NAV2: variants seen among roughly 807,000 people sequenced by gnomAD.
The protein encoded by NAV2 is neuron navigator 2, also known as helicase, APC down-regulated 1.
NAV2 carries 54 observed loss-of-function variants against 223.2 expected under a neutral mutation model. That is an observed-to-expected ratio of 0.24 (90% CI 0.19 to 0.30). NAV2 has a LOEUF of 0.30. Among genes scored for constraint, NAV2 ranks in the 10% least tolerant of loss-of-function variants. The pLI is 1.00. For synonymous variants in NAV2, 1,279 were observed against 1,239.3 expected, an observed-to-expected ratio of 1.03 and a Z score of -0.67; for missense variants, 2,806 against 3,147.5, an observed-to-expected ratio of 0.89 and a Z score of 2.60.
intron 1 of NAV2, among the ~76,000 whole-genome samples, chr11:19,801,280 G>A (rs2058238364): frequency 6.6e-6 from 1 of 152,214 alleles, no homozygotes; most frequent in African/African-American, 2.4e-5. Context: ...GGTGCGGCCT[G>A]CCCCCTGCCT....
intron 1 of NAV2, among the ~76,000 whole-genome samples, chr11:19,440,653 G>A (rs1360714021): frequency 6.6e-6 from 1 of 152,194 alleles, no homozygotes; most frequent in East Asian, 1.9e-4. Flanking sequence ...TGGTAAGGGG[G>A]TGAGAGATGG....
intron 1 of NAV2, among the ~76,000 whole-genome samples, chr11:19,525,507 C>T (rs958299407): frequency 2.6e-5 from 4 of 152,132 alleles, no homozygotes; most frequent in African/African-American, 9.7e-5. Context: ...CACGCATCTT[C>T]TTTACGAAGG....
At chr11:19,919,249 C>T (rs2153226804) in intron 6 of NAV2, among the ~76,000 whole-genome samples, 2 of 150,938 alleles carry the variant, frequency 1.3e-5, no homozygotes, top group East Asian at 1.9e-4. Flanking sequence ...GAATTAAAAC[C>T]TCCAAGCTGG....
chr11:19,794,089 G>A (rs530070596), intron 1 of NAV2, among the ~76,000 whole-genome samples: 55 of 152,262 alleles, frequency 3.6e-4, no homozygotes, highest in Non-Finnish European at 7.1e-4. Context: ...ATGACATAGG[G>A]ACATGTCTGC....
chr11:19,545,462 GGT>G (rs35916058), intron 1 of NAV2, among the ~76,000 whole-genome samples: 43,619 of 151,908 alleles, frequency 0.29, 8,757 homozygotes, highest in African/African-American at 0.58. Flanking sequence ...ATGGGGCAGT[GGT>G]GTCCCTTTGA....
At chr11:20,018,447 G>A (rs1489535763) in intron 11 of NAV2, among the ~76,000 whole-genome samples, 1 of 152,074 alleles carries the variant, frequency 6.6e-6, no homozygotes. Context: ...AGGATTCAGG[G>A]GATCAGTGAG....
chr11:19,946,494 C>T lies in NAV2; in HGVS notation c.2240C>T (p.Thr747Ile). 6.2e-7 allele frequency: 1 copy of T among 1,613,202 alleles called. No individual in the cohort carries two copies. Among genetic ancestry groups the T allele is most frequent in the Non-Finnish European group, 8.5e-7 (1 of 1,179,646 alleles). ...LEETMSSLRGTQVTHSTLETT... is the reference protein window; with the variant it reads ...LEETMSSLRGIQVTHSTLETT... ...GAAACCATGTCCAGTTTAAGGGGAACTCAGGTTACACACAGGTATCTGCAG... is the reference window on the plus strand; with the variant it reads ...GAAACCATGTCCAGTTTAAGGGGAATTCAGGTTACACACAGGTATCTGCAG... Residue 747 changes from threonine to isoleucine, a missense_variant, in exon 9 of 38, where the codon ACT becomes ATT. Thr to Ile is a moderately conservative substitution (Grantham distance 89, BLOSUM62 -1). Coordinates refer to ENST00000349880, the MANE Select transcript of NAV2 (RefSeq NM_145117.5).
At chr11:19,408,731 T>A (rs1273898571) in intron 1 of NAV2, among the ~76,000 whole-genome samples, 1 of 152,166 alleles carries the variant, frequency 6.6e-6, no homozygotes, top group Admixed American at 6.5e-5. Context: ...GATTAAGAAT[T>A]CTGCCCAAGG....
At chr11:19,707,439 C>A (rs904867651) in intron 1 of NAV2, among the ~76,000 whole-genome samples, 3 of 152,068 alleles carry the variant, frequency 2.0e-5, no homozygotes, top group Non-Finnish European at 4.4e-5. Context: ...AAAATGAAGA[C>A]ACAAACAGAC....
intron 1 of NAV2, among the ~76,000 whole-genome samples, chr11:19,387,702 A>T (rs566080888): frequency 6.6e-6 from 1 of 152,284 alleles, no homozygotes; most frequent in Non-Finnish European, 1.5e-5. Flanking sequence ...GCCAGTGAAG[A>T]TGGTTAAAAC....
chr11:19,993,960 A>G (rs1426836078), intron 11 of NAV2, among the ~76,000 whole-genome samples: 1 of 152,200 alleles, frequency 6.6e-6, no homozygotes, highest in Admixed American at 6.5e-5. Context: ...CTTACGATCA[A>G]GTAGAGAGAG....
At chr11:19,368,537 T>C (rs1848366031) in intron 1 of NAV2, among the ~76,000 whole-genome samples, 1 of 152,210 alleles carries the variant, frequency 6.6e-6, no homozygotes, top group African/African-American at 2.4e-5. Context: ...ATGATGAGGC[T>C]AGTAATCCCA....
intron 1 of NAV2, among the ~76,000 whole-genome samples, chr11:19,754,511 G>C (rs2054084951): frequency 6.6e-6 from 1 of 152,178 alleles, no homozygotes; most frequent in Admixed American, 6.5e-5. Flanking sequence ...GAAGGTGAGG[G>C]CTGAGGCTGA....
intron 1 of NAV2, among the ~76,000 whole-genome samples, chr11:19,598,084 G>A (rs2046254039): frequency 6.6e-6 from 1 of 152,260 alleles, no homozygotes; most frequent in Non-Finnish European, 1.5e-5. Context: ...CCAGCTCAGA[G>A]GCAGATGCCG....
At chr11:20,101,763 G>C (rs117998359) in intron 32 of NAV2, among the ~76,000 whole-genome samples, 1 of 152,278 alleles carries the variant, frequency 6.6e-6, no homozygotes, top group South Asian at 2.1e-4. Context: ...ATTGGCTCCT[G>C]CTTCACGGTG....
chr11:19,973,601 G>A (rs112602228), intron 10 of NAV2, among the ~76,000 whole-genome samples: 113 of 152,310 alleles, frequency 7.4e-4, no homozygotes, highest in African/African-American at 2.3e-3. Context: ...GAGATTAAGC[G>A]TGTGTGCTAA....
chr11:19,371,148 G>A (rs775688377), intron 1 of NAV2, among the ~76,000 whole-genome samples: 1 of 152,200 alleles, frequency 6.6e-6, no homozygotes, highest in African/African-American at 2.4e-5. Context: ...AAGCTTTATT[G>A]AGAATTTACT....
intron 6 of NAV2, among the ~76,000 whole-genome samples, chr11:19,915,698 C>T (rs534407928): frequency 6.6e-6 from 1 of 152,312 alleles, no homozygotes; most frequent in South Asian, 2.1e-4. Flanking sequence ...TCTGAGTTCT[C>T]CTGCACCCTA....
In NAV2 at chr11:20,080,046, C is replaced by A. The variant is rs747538969; in HGVS notation, c.5180-18C>A. The A allele has an allele frequency of 6.2e-7, 1 of 1,612,224 alleles. No homozygotes were observed. The highest frequency in any genetic ancestry group is 8.5e-7 in the Non-Finnish European group (1 of 1,179,578). ...GCTCAGGTTGGCAGCTGCTGAAACA[C>A]CCTGCCTTGGTCTCCAGGAAACGGC... On this transcript the variant is annotated intron_variant, in intron 24 of 37. Coordinates refer to ENST00000349880, the MANE Select transcript of NAV2 (RefSeq NM_145117.5).
Sources: gnomAD v4.1 joint callset for allele counts (sites outside exome capture counted in the v4.1 genomes callset) on GRCh38, gnomAD v4.1.1 for gene constraint, MANE v1.5 for transcripts, NCBI Gene and HGNC (gene_info 2026-07-23, HGNC 2026-07-21) for gene names.